TMBIM4: variants seen among roughly 807,000 people sequenced by gnomAD.
The protein encoded by TMBIM4 is protein lifeguard 4.
In TMBIM4, 28 loss-of-function variants were observed where a neutral mutation model predicts 27.7. That is an observed-to-expected ratio of 1.01 (90% CI 0.75 to 1.38). The LOEUF is 1.38. Ranked by LOEUF, TMBIM4 falls within the 40% of genes most tolerant of loss-of-function variation. The pLI, the probability that TMBIM4 is intolerant of heterozygous loss-of-function variation, is 0.00. For missense variants in TMBIM4, 265 were observed against 277.5 expected, an observed-to-expected ratio of 0.95 and a Z score of 0.32; for synonymous variants, 115 against 113.1, an observed-to-expected ratio of 1.02 and a Z score of -0.11.
At chr12:66,160,510 AC>A (rs1284760364) in intron 1 of TMBIM4, among the ~76,000 whole-genome samples, 28 of 152,202 alleles carry the variant, frequency 1.8e-4, no homozygotes, top group African/African-American at 4.8e-5. Context: ...ATACTATGAA[AC>A]TATGAAAGAC....
chr12:66,138,844 C>T (rs2051620732), intron 5 of TMBIM4, 75 bp from the exon 6 acceptor site: 2 of 1,365,766 alleles, frequency 1.5e-6, no homozygotes, highest in East Asian at 5.6e-5. Flanking sequence ...TCAACACTTT[C>T]TGAAAAAAAC....
chr12:66,163,290 T>A (rs1383473341), intron 1 of TMBIM4, among the ~76,000 whole-genome samples: 1 of 152,180 alleles, frequency 6.6e-6, no homozygotes, highest in African/African-American at 2.4e-5. Flanking sequence ...GCAGTACTAG[T>A]TCTTAATTAC....
intron 6 of TMBIM4, 177 bp from the exon 7 acceptor site, chr12:66,138,343 T>C: frequency 1.1e-6 from 1 of 937,132 alleles, no homozygotes; most frequent in Non-Finnish European, 1.3e-6. Flanking sequence ...CTCTGTTGGA[T>C]GGAAGGATGA....
At chr12:66,163,070 G>A (rs2052068730) in intron 1 of TMBIM4, among the ~76,000 whole-genome samples, 1 of 152,144 alleles carries the variant, frequency 6.6e-6, no homozygotes, top group South Asian at 2.1e-4. Context: ...GTGGTACCTT[G>A]AGTCACCAAG....
intron 3 of TMBIM4, among the ~76,000 whole-genome samples, chr12:66,151,041 T>G (rs1342938646): frequency 2.6e-5 from 4 of 152,174 alleles, no homozygotes; most frequent in Admixed American, 6.5e-5. Context: ...TTGCAATAAC[T>G]TGAGTTAGAA....
At chr12:66,163,655 A>G (rs1213342241) in intron 1 of TMBIM4, among the ~76,000 whole-genome samples, 1 of 152,190 alleles carries the variant, frequency 6.6e-6, no homozygotes, top group Non-Finnish European at 1.5e-5. Context: ...ACACGTGGGG[A>G]TGATGGGAAT....
intron 5 of TMBIM4, among the ~76,000 whole-genome samples, chr12:66,143,386 G>A (rs897852041): frequency 2.0e-5 from 3 of 152,092 alleles, no homozygotes; most frequent in Non-Finnish European, 2.9e-5. Context: ...AAACAGTGAT[G>A]TACCAGTAAA....
chr12:66,156,936 G>A (rs1486241704), intron 1 of TMBIM4, among the ~76,000 whole-genome samples: 2 of 152,158 alleles, frequency 1.3e-5, no homozygotes, highest in African/African-American at 4.8e-5. Flanking sequence ...AGTCATAAAA[G>A]GGATTATGGC....
At chr12:66,143,418 T>C (rs1592535763) in intron 5 of TMBIM4, among the ~76,000 whole-genome samples, 1 of 152,102 alleles carries the variant, frequency 6.6e-6, no homozygotes, top group Non-Finnish European at 1.5e-5. Context: ...GGAAAGAAAA[T>C]GAGCCCTGAT....
At chr12:66,139,586 T>C (rs1162592114) in intron 5 of TMBIM4, 2 of 455,800 alleles carry the variant, frequency 4.4e-6, no homozygotes, top group African/African-American at 4.0e-5. Flanking sequence ...TCACTTGCGG[T>C]CTCCTTGAGT....
Position 66,136,863 on chromosome 12 carries a change from A to T in TMBIM4, c.*1097T>A, listed in dbSNP as rs1488726218. The T allele has an allele frequency of 1.3e-5, 2 of 152,224 alleles. No homozygotes were observed. Among genetic ancestry groups the T allele is most frequent in the Non-Finnish European group, 2.9e-5 (2 of 68,034 alleles). 9.4% of individuals were successfully genotyped at this position (152,224 alleles called of 1,614,324 possible). A position where few individuals can be genotyped will look rare whatever the true frequency, so the allele number is the denominator to read the frequency against. ...CAAACTAGTACAGTGAGGGAATTTG[A>T]CAAAATTTCATTGGTTACTGGTACA... On this transcript the variant is annotated 3_prime_UTR_variant, in exon 7 of 7. Coordinates refer to ENST00000358230, the MANE Select transcript of TMBIM4 (RefSeq NM_016056.4).
At chr12:66,168,888 T>C in intron 1 of TMBIM4, 1 of 186,476 alleles carries the variant, frequency 5.4e-6, no homozygotes. Flanking sequence ...CACTTAAAAA[T>C]AGTTAAGACG....
chr12:66,161,084 G>A (rs1189586233), intron 1 of TMBIM4: 3 of 152,430 alleles, frequency 2.0e-5, no homozygotes, highest in East Asian at 1.9e-4. Context: ...ACAGGGCGGC[G>A]GCCGGCAGAG....
intron 1 of TMBIM4, among the ~76,000 whole-genome samples, chr12:66,157,015 C>T (rs2051947499): frequency 6.6e-6 from 1 of 152,148 alleles, no homozygotes. Flanking sequence ...CATTATTCCC[C>T]GCCTAAGTAG....
chr12:66,139,463 A>G (rs1159679596), intron 5 of TMBIM4, among the ~76,000 whole-genome samples: 2 of 152,214 alleles, frequency 1.3e-5, no homozygotes, highest in East Asian at 3.8e-4. Context: ...CTGGACAGCA[A>G]ACAGCACAGG....
At chr12:66,148,353 GTTTCCCAA>G (rs1463235097) in intron 3 of TMBIM4, among the ~76,000 whole-genome samples, 2 of 152,138 alleles carry the variant, frequency 1.3e-5, no homozygotes, top group African/African-American at 2.4e-5. Flanking sequence ...TCTTGAAAGT[GTTTCCCAA>G]TATTCATTCT....
chr12:66,139,253 A>T (rs1309379399), intron 5 of TMBIM4, among the ~76,000 whole-genome samples: 1 of 152,234 alleles, frequency 6.6e-6, no homozygotes, highest in Non-Finnish European at 1.5e-5. Flanking sequence ...TGACACTGCT[A>T]TAATTTTATG....
At chr12:66,152,193 T>TTA in intron 3 of TMBIM4, 78 bp downstream of exon 3, 1 of 709,954 alleles carries the variant, frequency 1.4e-6, no homozygotes, top group Non-Finnish European at 2.2e-6. Context: ...TCTGCCGTTG[T>TTA]TATATATGTA....
chr12:66,152,325 C>T lies in TMBIM4; in HGVS notation c.258G>A (p.Ala86=), dbSNP rs371278695. ...FALGSLGLIF[A]LILNRHKYPL... ...GATACTTATGTCTGTTTAAAATCAA[C>T]GCAAAAATCAAACCCAGAGATCCGA... Residue 86 remains alanine, a synonymous_variant, in exon 3 of 7, where the codon GCG becomes GCA. Coordinates refer to ENST00000358230, the MANE Select transcript of TMBIM4 (RefSeq NM_016056.4). 70 of 1,609,278 alleles carry T rather than the reference C, an allele frequency of 4.3e-5. No individual in the cohort carries two copies. Among genetic ancestry groups the T allele is most frequent in the Middle Eastern group, 3.3e-4 (2 of 6,058 alleles).
Sources: gnomAD v4.1 joint callset for allele counts (sites outside exome capture counted in the v4.1 genomes callset) on GRCh38, gnomAD v4.1.1 for gene constraint, MANE v1.5 for transcripts, NCBI Gene and HGNC (gene_info 2026-07-23, HGNC 2026-07-21) for gene names.